The following TNPO3 variants were observed in gnomAD, a reference collection of about 807,000 sequenced individuals.
The protein encoded by TNPO3 is transportin-3.
A neutral mutation model predicts 122.8 loss-of-function variants in TNPO3; 65 were observed. The ratio of observed to expected loss-of-function variants is 0.53; its 90% CI spans 0.43 to 0.65. The LOEUF (loss-of-function observed/expected upper bound fraction) is 0.65. Among genes scored for constraint, TNPO3 ranks in the 30% least tolerant of loss-of-function variants. The pLI, the probability that TNPO3 is intolerant of heterozygous loss-of-function variation, is 0.00. For missense variants in TNPO3, 850 were observed against 1,136.7 expected (o/e 0.75, Z 3.63); for synonymous variants, 372 against 411.2 (o/e 0.90, Z 1.15).
At chr7:128,984,745 C>T (rs1195404641) in intron 12 of TNPO3, among the ~76,000 whole-genome samples, 1 of 152,150 alleles carries the variant, frequency 6.6e-6, no homozygotes, top group African/African-American at 2.4e-5. Flanking sequence ...TTATAAGAGA[C>T]ATTTTCTTTG....
At chr7:129,018,962 C>T (rs1398697162) in intron 1 of TNPO3, among the ~76,000 whole-genome samples, 1 of 152,128 alleles carries the variant, frequency 6.6e-6, no homozygotes, top group East Asian at 1.9e-4. Context: ...CAGGTGATCC[C>T]CCTGCCTCGG....
chr7:128,979,157 A>C, intron 15 of TNPO3, 34 bp from the exon 16 acceptor site: 2 of 1,611,164 alleles, frequency 1.2e-6, no homozygotes, highest in Non-Finnish European at 1.7e-6. Context: ...AAGAAAGAAA[A>C]TAATCAACAA....
intron 1 of TNPO3, among the ~76,000 whole-genome samples, chr7:129,052,559 T>C (rs2150576912): frequency 6.6e-6 from 1 of 152,330 alleles, no homozygotes; most frequent in South Asian, 2.1e-4. Flanking sequence ...TGATGTAAGG[T>C]TGTAATAGAG....
chr7:128,991,074 C>G (rs1800696945), intron 10 of TNPO3, among the ~76,000 whole-genome samples: 1 of 152,134 alleles, frequency 6.6e-6, no homozygotes, highest in African/African-American at 2.4e-5. Context: ...CAAACCAAGA[C>G]ATATTAGTTA....
rs768872005 is a variant in TNPO3, at chr7:128,986,450, G to A, written c.1690+279C>T. Among the ~76,000 whole-genome samples the A allele has an allele frequency of 9.9e-5, 15 of 152,260 alleles. No homozygotes were observed. The South Asian group carries it at 2.1e-3, about 21-fold the overall frequency. On this transcript the variant is annotated intron_variant, in intron 12 of 22. Coordinates refer to ENST00000265388, the MANE Select transcript of TNPO3 (RefSeq NM_012470.4). ...TATTCTTCCAACTTAAAAAGCAGCC[G>A]TGTTTAGTTTGAATATGTTGTCTCT... is the stretch of plus-strand genomic sequence containing the variant.
chr7:128,957,657 T>C (rs1797027771), intron 21 of TNPO3, among the ~76,000 whole-genome samples: 1 of 152,216 alleles, frequency 6.6e-6, no homozygotes, highest in African/African-American at 2.4e-5. Flanking sequence ...GTTTAGAGGA[T>C]TAAAATCGTC....
At chr7:128,983,136 CCTAT>C (rs1188951125) in intron 13 of TNPO3, among the ~76,000 whole-genome samples, 3 of 152,084 alleles carry the variant, frequency 2.0e-5, no homozygotes, top group Non-Finnish European at 2.9e-5. Flanking sequence ...TGTTATACTC[CCTAT>C]CTTTCGGAGT....
intron 21 of TNPO3, among the ~76,000 whole-genome samples, chr7:128,958,873 G>A (rs1797167019): frequency 6.6e-6 from 1 of 152,196 alleles, no homozygotes; most frequent in South Asian, 2.1e-4. Flanking sequence ...GTGTGGTGGT[G>A]CACACCTGTG....
chr7:128,989,019 G>A (rs1239127359), intron 11 of TNPO3, among the ~76,000 whole-genome samples: 1 of 152,196 alleles, frequency 6.6e-6, no homozygotes, highest in Non-Finnish European at 1.5e-5. Flanking sequence ...GGAGGTTGCA[G>A]TGAGCTGAGA....
At chr7:129,045,963 G>A (rs895307328) in intron 1 of TNPO3, among the ~76,000 whole-genome samples, 5 of 152,124 alleles carry the variant, frequency 3.3e-5, no homozygotes, top group African/African-American at 1.2e-4. Flanking sequence ...ACTCTGGGAG[G>A]CTGAGGTGGG....
intron 4 of TNPO3, among the ~76,000 whole-genome samples, chr7:129,008,708 G>T (rs532757456): frequency 1.3e-5 from 2 of 152,280 alleles, no homozygotes; most frequent in African/African-American, 4.8e-5. Flanking sequence ...GCCACTGAGA[G>T]ATTTCTCTTT....
intron 16 of TNPO3, among the ~76,000 whole-genome samples, chr7:128,977,314 T>C (rs1487075854): frequency 6.6e-6 from 1 of 152,242 alleles, no homozygotes; most frequent in Non-Finnish European, 1.5e-5. Flanking sequence ...TCTATCAAGT[T>C]GTAGTAGACC....
chr7:128,958,375 C>A (rs971345830), intron 21 of TNPO3, among the ~76,000 whole-genome samples: 54 of 152,056 alleles, frequency 3.6e-4, no homozygotes, highest in Non-Finnish European at 5.9e-5. Flanking sequence ...GAACTCCTGA[C>A]CTTGTGATCC....
chr7:128,983,568 C>T (rs1585333629), intron 13 of TNPO3, among the ~76,000 whole-genome samples: 2 of 152,202 alleles, frequency 1.3e-5, no homozygotes, highest in East Asian at 3.8e-4. Context: ...AGTTAAGTCA[C>T]ATCTATAGCC....
intron 1 of TNPO3, among the ~76,000 whole-genome samples, chr7:129,047,416 T>C (rs983763316): frequency 6.6e-6 from 1 of 152,224 alleles, no homozygotes; most frequent in African/African-American, 2.4e-5. Context: ...CTTTAAGATC[T>C]GCCTCAAAAT....
intron 15 of TNPO3, 125 bp from the exon 16 acceptor site, chr7:128,979,248 A>C (rs761087617): frequency 1.7e-6 from 2 of 1,154,968 alleles, no homozygotes; most frequent in African/African-American, 1.5e-5. Context: ...GTATAGGAAC[A>C]CACATGGCCA....
intron 6 of TNPO3, 137 bp downstream of exon 6, chr7:129,000,922 A>T: frequency 9.7e-7 from 1 of 1,026,992 alleles, no homozygotes; most frequent in Non-Finnish European, 1.4e-6. Context: ...AGCATAGTAG[A>T]GCATCTTTAG....
In TNPO3 at chr7:129,001,170, T is replaced by G; in HGVS notation, c.761A>C (p.Tyr254Ser). 6.2e-7 allele frequency: 1 copy of G among 1,614,062 alleles called. No homozygotes were observed. The highest frequency in any genetic ancestry group is 8.5e-7 in the Non-Finnish European group (1 of 1,179,994). ...GTTAGTCTCCACATTCTCAATGGCATAGAGAGCTGAGCATACACAGTCCGA... is the reference window on the plus strand; with the variant it reads ...GTTAGTCTCCACATTCTCAATGGCAGAGAGAGCTGAGCATACACAGTCCGA... ...AASDCVCSAL[Y>S]AIENVETNLP... Residue 254 changes from tyrosine (Y) to serine (S), a missense_variant, in exon 6 of 23, where the codon TAT (tyrosine) becomes TCT (serine). By Grantham distance (144) the Tyr-to-Ser change is moderately radical (BLOSUM62 -2). Coordinates refer to ENST00000265388, the MANE Select transcript of TNPO3 (RefSeq NM_012470.4).
intron 1 of TNPO3, among the ~76,000 whole-genome samples, chr7:129,033,838 G>A (rs74494428): frequency 0.094 from 14,288 of 151,320 alleles, 746 homozygotes; most frequent in Non-Finnish European, 0.12. Context: ...ACTTGAACTC[G>A]GGAGGCCAAG....
Sources: gnomAD v4.1 joint callset for allele counts (sites outside exome capture counted in the v4.1 genomes callset) on GRCh38, gnomAD v4.1.1 for gene constraint, MANE v1.5 for transcripts, NCBI Gene and HGNC (gene_info 2026-07-23, HGNC 2026-07-21) for gene names.